KCNH5: variants seen among roughly 807,000 people sequenced by gnomAD.
KCNH5 encodes potassium voltage-gated channel subfamily H member 5.
KCNH5 carries 46 observed loss-of-function variants against 96.1 expected under a neutral mutation model. That is an observed-to-expected ratio of 0.48 (90% CI 0.38 to 0.61). The LOEUF is 0.61. Ranked by LOEUF, KCNH5 falls within the 20% of genes least tolerant of loss-of-function variation. The probability of loss-of-function intolerance (pLI) is 0.00; values close to 1 mark genes in which losing one functional copy is unlikely to be tolerated. For synonymous variants in KCNH5, 439 were observed against 449.8 expected (o/e 0.98, Z 0.30); for missense variants, 907 against 1,225.8 (o/e 0.74, Z 3.88).
intron 7 of KCNH5, among the ~76,000 whole-genome samples, chr14:62,907,147 C>T (rs953967627): frequency 1.3e-5 from 2 of 152,152 alleles, no homozygotes; most frequent in African/African-American, 2.4e-5. Context: ...AATTCTGCTG[C>T]TCTGATTTTT....
In KCNH5 at chr14:63,025,620, C is replaced by CAAAA. The variant is rs367748673; in HGVS notation, c.74-8670_74-8667dup. Among the ~76,000 whole-genome samples the CAAAA allele has an allele frequency of 1.2e-3, 170 of 146,368 alleles. 1 individual carries two copies. Among genetic ancestry groups the CAAAA allele is most frequent in the Middle Eastern group, 3.5e-3 (1 of 284 alleles). On this transcript the variant is annotated intron_variant, in intron 1 of 10. Transcript: ENST00000322893. ...AAAACAATACCATTTACAATAGTAA[C>CAAAA]AAAAAAAAAAACAGTACTTAGGAAT...
rs141254662 is a variant in KCNH5, at chr14:62,709,452, C to A, written c.2020-997G>T. Among the ~76,000 whole-genome samples the A allele has an allele frequency of 2.9e-3, 448 of 152,192 alleles. 1 individual carries two copies. Among genetic ancestry groups the A allele is most frequent in the African/African-American group, 0.011 (439 of 41,520 alleles). The stretch of plus-strand genomic sequence containing the variant: ...TAACACCAGCTTAGTACACAGACTT[C>A]ATTGCAAACTGCTCTCTATTGAATA... On this transcript the variant is annotated intron_variant, in intron 10 of 10. Coordinates refer to ENST00000322893, the MANE Select transcript of KCNH5 (RefSeq NM_139318.5).
intron 6 of KCNH5, among the ~76,000 whole-genome samples, chr14:62,975,223 T>C (rs1005615166): frequency 6.6e-6 from 1 of 152,132 alleles, no homozygotes; most frequent in Non-Finnish European, 1.5e-5. Flanking sequence ...TTTTTAACTA[T>C]ATTAAGGCGC....
intron 7 of KCNH5, among the ~76,000 whole-genome samples, chr14:62,902,419 G>T (rs1429454444): frequency 6.6e-6 from 1 of 151,666 alleles, no homozygotes; most frequent in Non-Finnish European, 1.5e-5. Context: ...GATTTAAATT[G>T]TACAATAAAT....
chr14:62,712,963 G>T (rs1033998464), intron 10 of KCNH5, among the ~76,000 whole-genome samples: 3 of 152,144 alleles, frequency 2.0e-5, no homozygotes, highest in Non-Finnish European at 4.4e-5. Flanking sequence ...TTTATGGAAG[G>T]CAGGGAGCAG....
intron 7 of KCNH5, among the ~76,000 whole-genome samples, chr14:62,904,937 G>A (rs964316007): frequency 2.0e-5 from 3 of 152,150 alleles, no homozygotes; most frequent in African/African-American, 4.8e-5. Flanking sequence ...AACTAACCTC[G>A]GAGATTACAA....
chr14:62,803,975 T>C (rs1448411227), intron 8 of KCNH5, among the ~76,000 whole-genome samples: 1 of 152,208 alleles, frequency 6.6e-6, no homozygotes, highest in Non-Finnish European at 1.5e-5. Flanking sequence ...CCTCTACTAA[T>C]TGCATTTTAA....
chr14:63,011,365 C>T (rs961435245), intron 2 of KCNH5, among the ~76,000 whole-genome samples: 2 of 151,568 alleles, frequency 1.3e-5, no homozygotes, highest in Non-Finnish European at 1.5e-5. Flanking sequence ...GTAACCCCAT[C>T]GACTTGGGAG....
At chr14:62,992,725 GAATA>G (rs962962411) in intron 4 of KCNH5, among the ~76,000 whole-genome samples, 3 of 151,994 alleles carry the variant, frequency 2.0e-5, no homozygotes, top group Admixed American at 6.6e-5. Context: ...GTCCTCTGTT[GAATA>G]AATAGTTTGC....
intron 7 of KCNH5, among the ~76,000 whole-genome samples, chr14:62,939,963 G>T (rs2140122472): frequency 6.6e-6 from 1 of 152,186 alleles, no homozygotes; most frequent in South Asian, 2.1e-4. Context: ...TTTTCAGGAA[G>T]CTTACGTACA....
chr14:62,868,372 G>A (rs1205615922), intron 7 of KCNH5, among the ~76,000 whole-genome samples: 3 of 152,192 alleles, frequency 2.0e-5, no homozygotes, highest in Admixed American at 6.5e-5. Context: ...TGGCAAGTAG[G>A]TAATAAGTTA....
intron 7 of KCNH5, among the ~76,000 whole-genome samples, chr14:62,921,823 AG>A (rs1174898948): frequency 6.6e-6 from 1 of 152,146 alleles, no homozygotes; most frequent in Non-Finnish European, 1.5e-5. Context: ...TTTATCTAAC[AG>A]CCTTGTGGAG....
intron 9 of KCNH5, among the ~76,000 whole-genome samples, chr14:62,783,049 A>G (rs1886251569): frequency 6.6e-6 from 1 of 152,260 alleles, no homozygotes; most frequent in Non-Finnish European, 1.5e-5. Context: ...ATGTCAATAA[A>G]TAATGAAATA....
intron 8 of KCNH5, among the ~76,000 whole-genome samples, chr14:62,808,756 A>G (rs1886818500): frequency 6.6e-6 from 1 of 152,042 alleles, no homozygotes; most frequent in Admixed American, 6.6e-5. Context: ...GTTATGTAAA[A>G]CTGTGTATGC....
rs1884369156 is a variant in KCNH5 at position 62,702,883 on chromosome 14, A to G, written c.*4625T>C. The G allele has an allele frequency of 6.6e-6, 1 of 151,940 alleles. No homozygotes were observed. Among genetic ancestry groups the G allele is most frequent in the South Asian group, 2.1e-4 (1 of 4,824 alleles). 9.4% of individuals were successfully genotyped at this position (151,940 alleles called of 1,614,324 possible). A position where few individuals can be genotyped will look rare whatever the true frequency, so the allele number is the denominator to read the frequency against. On this transcript the variant is annotated 3_prime_UTR_variant, in exon 11 of 11. Coordinates refer to ENST00000322893, the MANE Select transcript of KCNH5 (RefSeq NM_139318.5). The stretch of plus-strand genomic sequence containing the variant: ...TTATAAGAGTGTCTGCCCATGTGGA[A>G]TCATATATCTTGAACAGGTCATGAT...
chr14:62,756,566 T>G (rs544467902), intron 10 of KCNH5, among the ~76,000 whole-genome samples: 1 of 152,272 alleles, frequency 6.6e-6, no homozygotes, highest in South Asian at 2.1e-4. Context: ...AGAGCTACTA[T>G]AACTAAAACA....
At chr14:63,027,587 T>C (rs911763933) in intron 1 of KCNH5, among the ~76,000 whole-genome samples, 2 of 147,102 alleles carry the variant, frequency 1.4e-5, no homozygotes, top group African/African-American at 5.0e-5. Context: ...TTCTATATTA[T>C]TGATTAAAAT....
intron 1 of KCNH5, among the ~76,000 whole-genome samples, chr14:63,040,034 T>C (rs1891793335): frequency 6.6e-6 from 1 of 152,076 alleles, no homozygotes; most frequent in African/African-American, 2.4e-5. Flanking sequence ...TTTCCTAGGC[T>C]ACACTCTGGA....
chr14:63,003,315 T>G (rs928785982), intron 3 of KCNH5, among the ~76,000 whole-genome samples: 1 of 149,308 alleles, frequency 6.7e-6, no homozygotes, highest in Non-Finnish European at 1.5e-5. Context: ...TTCAGGGGGC[T>G]GGGGAGTCTG....
Sources: gnomAD v4.1 joint callset for allele counts (sites outside exome capture counted in the v4.1 genomes callset) on GRCh38, gnomAD v4.1.1 for gene constraint, MANE v1.5 for transcripts, NCBI Gene and HGNC (gene_info 2026-07-23, HGNC 2026-07-21) for gene names.